Variants in IRAG2 observed in about 807,000 individuals in gnomAD.
IRAG2 encodes inositol 1,4,5-triphosphate receptor associated 2.
A neutral mutation model predicts 69.9 loss-of-function variants in IRAG2; 45 were observed. The observed-to-expected ratio is 0.64, with a 90% CI of 0.51 to 0.83. The LOEUF is 0.83. Among genes scored for constraint, IRAG2 ranks in the 40% least tolerant of loss-of-function variants. The pLI, the probability that IRAG2 is intolerant of heterozygous loss-of-function variation, is 0.00. For missense variants in IRAG2, 520 were observed against 587.0 expected (o/e 0.89, Z 1.18); for synonymous variants, 193 against 202.4 (o/e 0.95, Z 0.40).
At chr12:25,101,419 CT>C in intron 16 of IRAG2, 94 bp downstream of exon 16, 1 of 790,138 alleles carries the variant, frequency 1.3e-6, no homozygotes, top group Non-Finnish European at 1.8e-6. Context: ...TAATAAAACT[CT>C]TAGGTTAACT....
chr12:24,997,991 G>A, the IRAG2 span, among the ~76,000 whole-genome samples: 3 of 152,190 alleles, frequency 2.0e-5, no homozygotes, highest in African/African-American at 7.2e-5. Flanking sequence ...TTTCAGGCTT[G>A]GTCGTTTGGA....
upstream of IRAG2, among the ~76,000 whole-genome samples, chr12:25,048,962 T>G (rs1176114519): frequency 6.6e-6 from 1 of 152,222 alleles, no homozygotes; most frequent in Non-Finnish European, 1.5e-5. Flanking sequence ...AGGGGACCAG[T>G]TTCAATTTTC....
chr12:25,103,894 G>A lies in IRAG2; in HGVS notation c.991G>A (p.Gly331Arg). The change falls in exon 18 of 22, where the codon GGA becomes AGA. Residue 331 changes from glycine (G) to arginine (R), a missense_variant. By Grantham distance (125) the Gly-to-Arg change is moderately radical. Coordinates refer to ENST00000556887, the MANE Select transcript of IRAG2 (RefSeq NM_001366544.2). ...ASLPRNIGNA[G>R]MVAGMENNDR... ...TTTACCCAGAAATATTGGAAATGCA[G>A]GAATGGTAAGACAATTCCTAAGTGT... The A allele has an allele frequency of 6.2e-7, 1 of 1,612,818 alleles. No homozygotes were observed. Among genetic ancestry groups the A allele is most frequent in the Non-Finnish European group, 8.5e-7 (1 of 1,179,048 alleles).
At chr12:25,001,490 ATGCCTTGGAAATGCAAGTAGAAACATG>A (rs1216973113), upstream of IRAG2, among the ~76,000 whole-genome samples, 10 of 152,122 alleles carry the variant, frequency 6.6e-5, no homozygotes, top group African/African-American at 2.4e-4. Context: ...AGGAAAAAAA[ATGCCTTGGAAATGCAAGTAGAAACATG>A]TGCCTTATGT....
chr12:25,079,815 G>T, intron 9 of IRAG2, 52 bp downstream of exon 9: 1 of 1,171,060 alleles, frequency 8.5e-7, no homozygotes, highest in Non-Finnish European at 1.3e-6. Flanking sequence ...CACGAAGCAA[G>T]TCTATAAGCT....
At chr12:25,057,430 T>A (rs1257383986) in intron 1 of IRAG2, among the ~76,000 whole-genome samples, 1 of 151,332 alleles carries the variant, frequency 6.6e-6, no homozygotes, top group African/African-American at 2.4e-5. Flanking sequence ...GGCTAATTTT[T>A]AAATTTTTTG....
chr12:25,091,508 G>T (rs1948064599), intron 14 of IRAG2, among the ~76,000 whole-genome samples: 3 of 152,124 alleles, frequency 2.0e-5, no homozygotes, highest in African/African-American at 7.2e-5. Flanking sequence ...ATGGGCATTT[G>T]GGTTGCATCC....
intron 16 of IRAG2, among the ~76,000 whole-genome samples, chr12:25,040,782 T>A (rs933793930): frequency 6.6e-6 from 1 of 152,170 alleles, no homozygotes; most frequent in African/African-American, 2.4e-5. Flanking sequence ...TCTTGATTCG[T>A]ACGACATCCG....
intron 16 of IRAG2, among the ~76,000 whole-genome samples, chr12:25,040,826 C>A (rs1944742425): frequency 6.6e-6 from 1 of 152,186 alleles, no homozygotes; most frequent in African/African-American, 2.4e-5. Context: ...GCTTCCACCC[C>A]TTCCCCAACC....
intron 3 of IRAG2, chr12:25,015,111 A>AAAATAAAAAAATTGGTC: frequency 2.3e-6 from 1 of 436,340 alleles, no homozygotes. Context: ...AAAAAAAAAA[A>AAAATAAAAAAATTGGTC]AGACAAAACT....
rs1186660188 is a variant in IRAG2 at position 25,012,914 on chromosome 12, A to T, written c.896+1363A>T. On this transcript the variant is annotated intron_variant, in intron 3 of 38. Coordinates refer to the IRAG2 transcript ENST00000636465. ...TGTATAGATAACTTAAGAAAATATG[A>T]CTGAAATGTTGCATGCCATACACAG... Among the ~76,000 whole-genome samples the T allele has an allele frequency of 2.0e-5, 3 of 152,240 alleles. No homozygotes were observed. The East Asian group carries it at 5.8e-4, about 29-fold the overall frequency.
intron 6 of IRAG2, among the ~76,000 whole-genome samples, chr12:25,070,761 T>A (rs1454055440): frequency 6.6e-6 from 1 of 152,226 alleles, no homozygotes; most frequent in Non-Finnish European, 1.5e-5. Flanking sequence ...CCAACAGCAA[T>A]GTATGAAGAT....
At position 25,089,598 on chromosome 12, in the gene IRAG2, T is replaced by C; in HGVS notation, c.374-16T>C. The C allele has an allele frequency of 2.7e-6, 4 of 1,497,376 alleles. No homozygotes were observed. Among genetic ancestry groups the C allele is most frequent in the Non-Finnish European group, 3.7e-6 (4 of 1,093,536 alleles). The allele number at this position is 1,497,376 out of a possible 1,614,324, so 92.8% of individuals were successfully genotyped here. A position where few individuals can be genotyped will look rare whatever the true frequency, so the allele number is the denominator to read the frequency against. On this transcript the variant is annotated splice_polypyrimidine_tract_variant and intron_variant, in intron 11 of 21. Transcript: ENST00000556887. ...AAGCCTTTTTAACCAAATAATATTTTATTATATTTTAATAGACTCTGTGGT... is the reference window on the plus strand; with the variant it reads ...AAGCCTTTTTAACCAAATAATATTTCATTATATTTTAATAGACTCTGTGGT...
At chr12:25,079,836 C>G in intron 9 of IRAG2, 73 bp downstream of exon 9, 1 of 828,932 alleles carries the variant, frequency 1.2e-6, no homozygotes. Flanking sequence ...AGTGAAGTAA[C>G]TATCCACACT....
chr12:25,043,157 C>A (rs1944764442), intron 16 of IRAG2, among the ~76,000 whole-genome samples: 1 of 152,144 alleles, frequency 6.6e-6, no homozygotes, highest in African/African-American at 2.4e-5. Flanking sequence ...GCTCCTGAAT[C>A]CTGAGTGAGA....
chr12:25,101,864 A>G, intron 16 of IRAG2: 1 of 524,172 alleles, frequency 1.9e-6, no homozygotes. Flanking sequence ...TATTTCAAGA[A>G]TCTGTTCCCT....
At chr12:25,029,489 G>T (rs1248338674) in intron 9 of IRAG2, among the ~76,000 whole-genome samples, 1 of 152,160 alleles carries the variant, frequency 6.6e-6, no homozygotes, top group Non-Finnish European at 1.5e-5. Flanking sequence ...TTATGGTGAT[G>T]ATTCTGCTTC....
chr12:25,102,268 T>A lies in IRAG2; in HGVS notation c.933+27T>A, dbSNP rs767209432. On this transcript the variant is annotated intron_variant, in intron 17 of 21. Coordinates refer to ENST00000556887, the MANE Select transcript of IRAG2 (RefSeq NM_001366544.2). Reference sequence around the variant, plus strand: ...TAATTACTAATTCACTTAACAAATGTCTAGCAAATACTATAAGACGGTTTT... The same window carrying A: ...TAATTACTAATTCACTTAACAAATGACTAGCAAATACTATAAGACGGTTTT... 13 of 1,582,520 alleles carry A rather than the reference T, an allele frequency of 8.2e-6. No homozygotes were observed. The African/African-American group carries it at 9.4e-5, about 11-fold the overall frequency.
chr12:25,065,089 CAA>C (rs35101161), intron 4 of IRAG2, among the ~76,000 whole-genome samples: 3 of 142,880 alleles, frequency 2.1e-5, no homozygotes, highest in Admixed American at 7.1e-5. Context: ...GACTCAGTCT[CAA>C]AAAAAAAAAA....
Sources: gnomAD v4.1 joint callset for allele counts (sites outside exome capture counted in the v4.1 genomes callset) on GRCh38, gnomAD v4.1.1 for gene constraint, MANE v1.5 for transcripts, NCBI Gene and HGNC (gene_info 2026-07-23, HGNC 2026-07-21) for gene names.